TENM2: variants seen among roughly 807,000 people sequenced by gnomAD.
The protein encoded by TENM2 is teneurin-2.
A neutral mutation model predicts 245.2 loss-of-function variants in TENM2; 52 were observed. The ratio of observed to expected loss-of-function variants is 0.21; its 90% confidence interval spans 0.17 to 0.27. The LOEUF (loss-of-function observed/expected upper bound fraction) is 0.27, where lower values mean the gene tolerates loss of function less well. Among genes scored for constraint, TENM2 ranks in the 10% least tolerant of loss-of-function variants. TENM2 has a pLI of 1.00. For synonymous variants in TENM2, 1,363 were observed against 1,438.9 expected (o/e 0.95, Z 1.19); for missense variants, 3,046 against 3,666.8 (o/e 0.83, Z 4.37).
chr5:167,230,508 G>A, the TENM2 span, among the ~76,000 whole-genome samples: 2 of 152,106 alleles, frequency 1.3e-5, no homozygotes, highest in Non-Finnish European at 2.9e-5. Flanking sequence ...AGTAAGAGAT[G>A]CCTCTAATCA....
At chr5:168,259,040 G>C (rs1377058568) in intron 27 of TENM2, among the ~76,000 whole-genome samples, 1 of 151,676 alleles carries the variant, frequency 6.6e-6, no homozygotes, top group Non-Finnish European at 1.5e-5. Context: ...ACAAAAATGA[G>C]CCAGGCGTGG....
chr5:168,226,244 C>T (rs1430260863), exon 24 of TENM2: 1 of 1,613,382 alleles, frequency 6.2e-7, no homozygotes, highest in Non-Finnish European at 8.5e-7. Context: ...CAGTAGAGGC[C>T]TCCTACACAG....
chr5:167,463,095 G>T (rs1430763737), intron 2 of TENM2, among the ~76,000 whole-genome samples: 1 of 152,096 alleles, frequency 6.6e-6, no homozygotes, highest in Non-Finnish European at 1.5e-5. Context: ...AGATAAAAAT[G>T]TAAATAGAGA....
chr5:167,671,243 G>C lies in TENM2; in HGVS notation c.503-204743G>C, dbSNP rs145667356. Among the ~76,000 whole-genome samples, 668 of 152,210 alleles carry C rather than the reference G, an allele frequency of 4.4e-3. 9 individuals are homozygous for C. Among genetic ancestry groups the C allele is most frequent in the African/African-American group, 0.015 (627 of 41,544 alleles). On this transcript the variant is annotated intron_variant, in intron 2 of 28. Coordinates refer to ENST00000518659, the Ensembl canonical transcript of TENM2. ...AAGTTTATGTTGAGACTATTTTGCT[G>C]TTGTATAATAGCCCTGACATAAATG...
chr5:167,205,417 TC>T, the TENM2 span, among the ~76,000 whole-genome samples: 2 of 152,048 alleles, frequency 1.3e-5, no homozygotes, highest in Non-Finnish European at 2.9e-5. Context: ...AAATAGTGTT[TC>T]CTTCTTTGCT....
intron 12 of TENM2, among the ~76,000 whole-genome samples, chr5:168,156,182 G>A (rs1436310485): frequency 7.7e-6 from 1 of 130,006 alleles, no homozygotes; most frequent in Admixed American, 8.9e-5. Flanking sequence ...CAGACAGTAA[G>A]AGAGACATCC....
chr5:168,056,271 A>T (rs1411391025), intron 6 of TENM2, among the ~76,000 whole-genome samples: 1 of 152,246 alleles, frequency 6.6e-6, no homozygotes, highest in Non-Finnish European at 1.5e-5. Context: ...ATTTACAGAA[A>T]AACACCTTTT....
At chr5:167,544,794 C>T (rs1772446026) in intron 2 of TENM2, among the ~76,000 whole-genome samples, 1 of 152,064 alleles carries the variant, frequency 6.6e-6, no homozygotes, top group Admixed American at 6.6e-5. Flanking sequence ...GAGAGATACA[C>T]AATTTTAAAA....
intron 9 of TENM2, among the ~76,000 whole-genome samples, chr5:168,111,679 T>A (rs746805757): frequency 6.6e-6 from 1 of 152,098 alleles, no homozygotes; most frequent in African/African-American, 2.4e-5. Flanking sequence ...GAGTGACAAA[T>A]CATCTCCCTG....
At chr5:167,652,560 C>G (rs1203699807) in intron 2 of TENM2, among the ~76,000 whole-genome samples, 3 of 149,490 alleles carry the variant, frequency 2.0e-5, no homozygotes, top group South Asian at 4.3e-4. Flanking sequence ...TATGTCAAAG[C>G]TGGAATTCAT....
chr5:168,156,664 A>G (rs1835941), intron 12 of TENM2, among the ~76,000 whole-genome samples: 23,009 of 152,118 alleles, frequency 0.15, 2,307 homozygotes, highest in Non-Finnish European at 0.22. Flanking sequence ...GTTCATGCCT[A>G]ATTTTTGTTA....
chr5:167,854,666 T>G (rs1468042206), intron 2 of TENM2, among the ~76,000 whole-genome samples: 1 of 152,220 alleles, frequency 6.6e-6, no homozygotes, highest in Non-Finnish European at 1.5e-5. Context: ...GGAATGGTTT[T>G]CAACCCAGTT....
chr5:167,267,969 C>G, the TENM2 span, among the ~76,000 whole-genome samples: 1 of 152,158 alleles, frequency 6.6e-6, no homozygotes, highest in East Asian at 1.9e-4. Context: ...CTTCAGCTAT[C>G]ACTCAAATTC....
chr5:167,328,670 G>A lies in TENM2; in HGVS notation c.226+43607G>A, dbSNP rs368623046. On this transcript the variant is annotated intron_variant, in intron 1 of 28. Coordinates refer to ENST00000518659, the Ensembl canonical transcript of TENM2. ...CTACCTCATGGTATTTTCCCTAGCT[G>A]TTCCCTCTAGCTGGAATGCTCATTC... 6.6e-5 allele frequency among the ~76,000 whole-genome samples: 10 copies of A among 152,192 alleles called. No individual in the cohort carries two copies. The East Asian group carries it at 9.7e-4, about 15-fold the overall frequency.
chr5:167,191,780 T>C, the TENM2 span, among the ~76,000 whole-genome samples: 1 of 152,138 alleles, frequency 6.6e-6, no homozygotes, highest in South Asian at 2.1e-4. Context: ...TAGAATCAGG[T>C]AGGCAATTTT....
intron 2 of TENM2, among the ~76,000 whole-genome samples, chr5:167,633,639 A>G (rs1050145904): frequency 3.3e-5 from 5 of 152,186 alleles, no homozygotes; most frequent in Non-Finnish European, 5.9e-5. Flanking sequence ...GAAGCAATCA[A>G]CCTAACAGAT....
chr5:167,694,140 A>C (rs1399692093), intron 2 of TENM2, among the ~76,000 whole-genome samples: 1 of 151,790 alleles, frequency 6.6e-6, no homozygotes, highest in Non-Finnish European at 1.5e-5. Context: ...TCCTCTATTC[A>C]CTCTACCTCC....
chr5:167,967,056 T>C (rs921562331), intron 4 of TENM2: 2 of 152,214 alleles, frequency 1.3e-5, no homozygotes, highest in African/African-American at 4.8e-5. Context: ...TGCACTTTAA[T>C]TTTGCAGTTT....
At chr5:167,358,995 C>T (rs1759528470) in intron 1 of TENM2, among the ~76,000 whole-genome samples, 1 of 151,950 alleles carries the variant, frequency 6.6e-6, no homozygotes, top group South Asian at 2.1e-4. Context: ...ACTGCCCACC[C>T]CGACACTCTT....
Sources: allele counts gnomAD v4.1 joint callset (sites outside exome capture counted in the v4.1 genomes callset), GRCh38; gene constraint gnomAD v4.1.1; transcripts MANE v1.5; gene names NCBI Gene and HGNC (gene_info 2026-07-23, HGNC 2026-07-21).